ANKRD24: variants seen among roughly 807,000 people sequenced by gnomAD.
ANKRD24 encodes the protein ankyrin repeat domain-containing protein 24.
Under a neutral mutation model 127.8 loss-of-function variants are expected in ANKRD24, and 109 were observed. That is an observed-to-expected ratio of 0.85 (90% CI 0.73 to 1.00). ANKRD24 has a LOEUF of 1.00. Among genes scored for constraint, ANKRD24 ranks in the 50% least tolerant of loss-of-function variants. The probability of loss-of-function intolerance (pLI) is 0.00; values close to 1 mark genes in which losing one functional copy is unlikely to be tolerated. For missense variants in ANKRD24, 1,648 were observed against 1,570.2 expected (o/e 1.05, Z -0.84); for synonymous variants, 743 against 671.1 (o/e 1.11, Z -1.66).
intron 2 of ANKRD24, among the ~76,000 whole-genome samples, chr19:4,189,633 G>A (rs375278722): frequency 7.2e-5 from 11 of 151,730 alleles, no homozygotes; most frequent in Non-Finnish European, 1.3e-4. Flanking sequence ...AGATCCTCCC[G>A]CTTCAGCCAA....
At position 4,217,073 on chromosome 19, in the gene ANKRD24, T is replaced by C; in HGVS notation, c.1913T>C (p.Met638Thr). The C allele has an allele frequency of 1.2e-6, 2 of 1,613,000 alleles. No individual in the cohort carries two copies. The highest frequency in any genetic ancestry group is 1.3e-5 in the African/African-American group (1 of 74,706). Residue 638 changes from methionine to threonine, a missense_variant, in exon 18 of 22, where the codon ATG (methionine) becomes ACG (threonine). Transcript: ENST00000318934. ...ACAGAGACCACGGGAGTGGAGGCCA[T>C]GGGGGTGGAGGCCACAAAAACAAAA... Reference protein sequence around the residue: ...TDTETTGVEAMGVEATKTKAE... With the variant: ...TDTETTGVEATGVEATKTKAE...
chr19:4,208,676 G>A (rs956290652), intron 10 of ANKRD24, 88 bp from the exon 11 acceptor site: 73 of 1,310,596 alleles, frequency 5.6e-5, no homozygotes, highest in Middle Eastern at 1.9e-4. Flanking sequence ...TGGGGAAATC[G>A]GGAGCCCCCT....
At chr19:4,189,400 A>C (rs919498263) in intron 2 of ANKRD24, among the ~76,000 whole-genome samples, 1 of 151,266 alleles carries the variant, frequency 6.6e-6, no homozygotes, top group Non-Finnish European at 1.5e-5. Flanking sequence ...ACAGGCACGC[A>C]CTACCACGCC....
At chr19:4,191,181 C>T (rs1968363620) in intron 2 of ANKRD24, among the ~76,000 whole-genome samples, 1 of 152,166 alleles carries the variant, frequency 6.6e-6, no homozygotes. Flanking sequence ...CCTCCATCCT[C>T]CCCTCCCAGA....
intron 16 of ANKRD24, 43 bp downstream of exon 16, chr19:4,216,093 C>T: frequency 6.5e-7 from 1 of 1,547,272 alleles, no homozygotes; most frequent in East Asian, 2.4e-5. Flanking sequence ...GCCTTGTCCC[C>T]TGGGGCCCTG....
At position 4,193,610 on chromosome 19, in the gene ANKRD24, AG is replaced by A. The variant is rs575089122; in HGVS notation, c.37-6072del. 1.4e-3 allele frequency among the ~76,000 whole-genome samples: 214 copies of A among 151,872 alleles called. 1 individual carries two copies. The highest frequency in any genetic ancestry group is 0.012 in the Admixed American group (188 of 15,212). On this transcript the variant is annotated intron_variant, in intron 2 of 21. Coordinates refer to ENST00000318934, the MANE Select transcript of ANKRD24 (RefSeq NM_001393985.1). ...CCCAGCACTTTGGGAGGCTGAGGCG[AG>A]CAGATCACCTGAGATCAGGAGTTCA...
Position 4,217,028 on chromosome 19 carries a change from C to T in ANKRD24, c.1868C>T (p.Thr623Ile). The change falls in exon 18 of 22, where the codon ACA (threonine) becomes ATA (isoleucine). Residue 623 changes from threonine (T) to isoleucine (I), a missense_variant. Coordinates refer to ENST00000318934, the MANE Select transcript of ANKRD24 (RefSeq NM_001393985.1). ...GAAGCAAACATGGAAACTAAGCCCA[C>T]AGGAGCTCAGGCCACAGACACAGAG... The part of the protein sequence containing the change: ...EEEANMETKP[T>I]GAQATDTETT... 1.9e-6 allele frequency: 3 copies of T among 1,613,830 alleles called. No homozygotes were observed. Among genetic ancestry groups the T allele is most frequent in the East Asian group, 2.2e-5 (1 of 44,882 alleles).
intron 1 of ANKRD24, among the ~76,000 whole-genome samples, chr19:4,184,229 G>A (rs950213282): frequency 1.3e-5 from 2 of 152,194 alleles, no homozygotes; most frequent in Non-Finnish European, 2.9e-5. Context: ...GGAGCTGCTC[G>A]TGGCCCAGCT....
chr19:4,205,813 A>G (rs1448148922), intron 7 of ANKRD24, among the ~76,000 whole-genome samples: 1 of 151,598 alleles, frequency 6.6e-6, no homozygotes, highest in Non-Finnish European at 1.5e-5. Flanking sequence ...ACACCCCTGC[A>G]CTCCAGCGTG....
chr19:4,191,709 T>G (rs1968397987), intron 2 of ANKRD24, among the ~76,000 whole-genome samples: 1 of 151,994 alleles, frequency 6.6e-6, no homozygotes, highest in Non-Finnish European at 1.5e-5. Context: ...CTCGAACTCC[T>G]GACCTCAGAT....
chr19:4,210,034 A>T, intron 11 of ANKRD24, 24 bp from the exon 12 acceptor site: 1 of 1,551,292 alleles, frequency 6.4e-7, no homozygotes, highest in Non-Finnish European at 8.8e-7. Flanking sequence ...GGCCCCCTTC[A>T]CTCTCTCTCC....
chr19:4,199,341 C>T lies in ANKRD24; in HGVS notation c.37-342C>T, dbSNP rs1328031892. 1.3e-5 allele frequency among the ~76,000 whole-genome samples: 2 copies of T among 152,172 alleles called. No individual in the cohort carries two copies. Among genetic ancestry groups the T allele is most frequent in the Non-Finnish European group, 2.9e-5 (2 of 68,028 alleles). ...AAATGATCCTCCCACCTCAGCCTCC[C>T]AAGCAGCTACAGGCATGAGCCACCA... is the stretch of plus-strand genomic sequence containing the variant. On this transcript the variant is annotated intron_variant, in intron 2 of 21. Transcript: ENST00000318934. This position sits in a 1 kb window ranked among gnomAD's most constrained non-coding sequence, Gnocchi z 5.2.
At chr19:4,194,297 C>T (rs1480989329) in intron 2 of ANKRD24, among the ~76,000 whole-genome samples, 3 of 152,142 alleles carry the variant, frequency 2.0e-5, no homozygotes, top group Non-Finnish European at 2.9e-5. Context: ...GGATTACAGG[C>T]GTGCACCACC....
chr19:4,199,812 C>CA lies in ANKRD24; in HGVS notation c.123+43_123+44insA, dbSNP rs112892199. 632,202 of 1,532,618 alleles carry CA rather than the reference C, an allele frequency of 0.41. 132,093 individuals are homozygous for CA. The highest frequency in any genetic ancestry group is 0.43 in the Non-Finnish European group (486,844 of 1,137,922). 94.9% of individuals were successfully genotyped at this position (1,532,618 alleles called of 1,614,324 possible). ...GGTGGTGAGAGCCCGGAGCCCCTGTCGGGGGCGTGGGGAGGGGACAGCAGC... is the reference window on the plus strand; with the variant it reads ...GGTGGTGAGAGCCCGGAGCCCCTGTCAGGGGGCGTGGGGAGGGGACAGCAGC... On this transcript the variant is annotated intron_variant, in intron 3 of 21. Transcript: ENST00000318934. This position sits in a 1 kb window ranked among gnomAD's most constrained non-coding sequence, Gnocchi z 5.2.
chr19:4,209,450 G>C (rs1483127919), intron 11 of ANKRD24, among the ~76,000 whole-genome samples: 1 of 146,462 alleles, frequency 6.8e-6, no homozygotes, highest in Non-Finnish European at 1.5e-5. Context: ...TTGTTTGTTT[G>C]TTTTGTTTAT....
chr19:4,210,415 G>A (rs918968247), intron 13 of ANKRD24, 43 bp downstream of exon 13: 2 of 1,476,300 alleles, frequency 1.4e-6, no homozygotes, highest in African/African-American at 1.4e-5. Flanking sequence ...AGCCTGGGTG[G>A]GGTCAATGCA....
Position 4,216,570 on chromosome 19 carries a change from GGACGA to G in ANKRD24, c.1414_1418del (p.Glu472ThrfsTer17). 1.9e-6 allele frequency: 3 copies of G among 1,610,214 alleles called. No individual in the cohort carries two copies. Among genetic ancestry groups the G allele is most frequent in the Non-Finnish European group, 2.5e-6 (3 of 1,177,996 alleles). ...CCCAGATCCTGGAGAACTTTGAGAAGGACGAGACACAGATGGAAGTGGAAGCTTTG... is the reference window on the plus strand; with the variant it reads ...CCCAGATCCTGGAGAACTTTGAGAAGGACACAGATGGAAGTGGAAGCTTTG... On this transcript the variant is annotated frameshift_variant, in exon 18 of 22. Coordinates refer to ENST00000318934, the MANE Select transcript of ANKRD24 (RefSeq NM_001393985.1). LOFTEE classifies it high-confidence loss of function.
intron 2 of ANKRD24, among the ~76,000 whole-genome samples, chr19:4,189,614 G>A (rs1454873265): frequency 1.3e-5 from 2 of 151,522 alleles, no homozygotes; most frequent in East Asian, 3.9e-4. Context: ...TCAAACTCCT[G>A]GGCTCAAGAG....
chr19:4,198,577 C>T lies in ANKRD24; in HGVS notation c.37-1106C>T. On this transcript the variant is annotated intron_variant, in intron 2 of 21. Coordinates refer to ENST00000318934, the MANE Select transcript of ANKRD24 (RefSeq NM_001393985.1). The surrounding 1 kb of genome is among the most constrained non-coding windows in gnomAD (Gnocchi z 6.1). The stretch of plus-strand genomic sequence containing the variant: ...CGCAGGAGCGGGCGGGGCGCGGGTA[C>T]CTCCTCTCCCCTCCCTTCCCCGTCC... 2.1e-6 allele frequency: 1 copy of T among 468,728 alleles called. No individual in the cohort carries two copies. The highest frequency in any genetic ancestry group is 3.8e-6 in the Non-Finnish European group (1 of 265,118). The allele number at this position is 468,728 out of a possible 1,614,324, so 29.0% of individuals were successfully genotyped here. A position where few individuals can be genotyped will look rare whatever the true frequency, so the allele number is the denominator to read the frequency against.
Sources: allele counts gnomAD v4.1 joint callset (sites outside exome capture counted in the v4.1 genomes callset), GRCh38; gene constraint gnomAD v4.1.1; non-coding constraint Gnocchi (gnomAD v3.1); transcripts MANE v1.5; gene names NCBI Gene and HGNC (gene_info 2026-07-23, HGNC 2026-07-21).